The following RAD54L2 variants were observed in gnomAD, a reference collection of about 807,000 sequenced individuals.
RAD54L2 encodes the protein RAD54 like 2, also known as helicase ARIP4.
RAD54L2 carries 27 observed loss-of-function variants against 138.4 expected under a neutral mutation model. The ratio of observed to expected loss-of-function variants is 0.20; its 90% CI spans 0.14 to 0.27. The LOEUF is 0.27. RAD54L2 is among the 10% of genes least tolerant of loss of function. The pLI, the probability that RAD54L2 is intolerant of heterozygous loss-of-function variation, is 1.00. For missense variants in RAD54L2, 1,396 were observed against 1,890.2 expected (o/e 0.74, Z 4.85); for synonymous variants, 644 against 723.2 (o/e 0.89, Z 1.76).
chr3:51,540,226 C>G (rs969172670), intron 1 of RAD54L2, among the ~76,000 whole-genome samples: 3 of 152,218 alleles, frequency 2.0e-5, no homozygotes, highest in African/African-American at 7.2e-5. Flanking sequence ...TAAGAAAACT[C>G]TAACATTTAT....
rs1701905621 is a variant in RAD54L2, at chr3:51,666,173, G to GTTTT, written c.*2753_*2754insTTTT. On this transcript the variant is annotated 3_prime_UTR_variant, in exon 23 of 23. Coordinates refer to ENST00000684192, the MANE Select transcript of RAD54L2 (RefSeq NM_015106.4). ...GAGTGCTACCAGGTCCATGGTTTTT[G>GTTTT]CTTTTTTTTTTTTTTTTTTTTTTTT... The GTTTT allele has an allele frequency of 9.9e-5, 2 of 20,224 alleles. No homozygotes were observed. The highest frequency in any genetic ancestry group is 1.6e-3 in the East Asian group (1 of 628). 1.3% of individuals were successfully genotyped at this position (20,224 alleles called of 1,614,324 possible).
At chr3:51,659,105 T>G (rs1024170479) in intron 21 of RAD54L2, among the ~76,000 whole-genome samples, 3 of 140,540 alleles carry the variant, frequency 2.1e-5, no homozygotes, top group African/African-American at 8.0e-5. Flanking sequence ...CTTGTTTTTT[T>G]TTTTTTTTTT....
At chr3:51,607,424 G>T (rs1224436679) in intron 3 of RAD54L2, among the ~76,000 whole-genome samples, 5 of 152,154 alleles carry the variant, frequency 3.3e-5, no homozygotes, top group Non-Finnish European at 2.9e-5. Context: ...GGGGTTGGGG[G>T]TAAGGTTATA....
intron 2 of RAD54L2, among the ~76,000 whole-genome samples, chr3:51,573,626 C>G (rs191695062): frequency 1.3e-4 from 20 of 152,024 alleles, no homozygotes; most frequent in African/African-American, 4.6e-4. Flanking sequence ...TGCGCCACCA[C>G]GCCTGACTAA....
At chr3:51,628,114 C>T (rs553510187) in intron 4 of RAD54L2, among the ~76,000 whole-genome samples, 1 of 152,242 alleles carries the variant, frequency 6.6e-6, no homozygotes, top group Admixed American at 6.5e-5. Flanking sequence ...GTTGAGTTCT[C>T]ATCTTCTTAG....
intron 2 of RAD54L2, among the ~76,000 whole-genome samples, chr3:51,578,391 A>G (rs1055798456): frequency 1.3e-5 from 2 of 152,286 alleles, no homozygotes; most frequent in Admixed American, 6.5e-5. Flanking sequence ...TTCAATTCCT[A>G]TGCATTTTTG....
intron 2 of RAD54L2, among the ~76,000 whole-genome samples, chr3:51,568,591 A>T (rs1044891515): frequency 1.3e-5 from 2 of 152,164 alleles, no homozygotes; most frequent in Non-Finnish European, 2.9e-5. Context: ...ATAGGTTGAC[A>T]CAGTGAGCAC....
intron 3 of RAD54L2, among the ~76,000 whole-genome samples, chr3:51,599,348 G>C (rs540905647): frequency 2.1e-4 from 32 of 152,126 alleles, no homozygotes; most frequent in Non-Finnish European, 4.1e-4. Flanking sequence ...AATCCTTAAT[G>C]ACAGAAAGCA....
intron 3 of RAD54L2, among the ~76,000 whole-genome samples, chr3:51,603,842 A>G (rs1189317634): frequency 3.3e-5 from 5 of 152,130 alleles, no homozygotes; most frequent in Non-Finnish European, 7.4e-5. Flanking sequence ...TGGGCTAGCC[A>G]GGTGGTTGTC....
At chr3:51,659,925 T>G in intron 21 of RAD54L2, 101 bp from the exon 22 acceptor site, 2 of 752,102 alleles carry the variant, frequency 2.7e-6, no homozygotes, top group Admixed American at 4.6e-5. Context: ...TATACCTAAT[T>G]GTATAGCTAT....
At chr3:51,540,684 T>C (rs920254494) in intron 1 of RAD54L2, among the ~76,000 whole-genome samples, 2 of 152,278 alleles carry the variant, frequency 1.3e-5, no homozygotes, top group Non-Finnish European at 2.9e-5. Flanking sequence ...TTTGTAGTTG[T>C]ACTGATAGTT....
chr3:51,631,005 T>C (rs1395463593), intron 7 of RAD54L2, 74 bp downstream of exon 7: 3 of 1,422,420 alleles, frequency 2.1e-6, no homozygotes, highest in East Asian at 2.3e-5. Context: ...CTGGTGGTTA[T>C]TAGCGTCACA....
intron 2 of RAD54L2, among the ~76,000 whole-genome samples, chr3:51,554,860 T>A (rs1325759982): frequency 2.6e-5 from 4 of 152,154 alleles, no homozygotes; most frequent in Admixed American, 2.6e-4. Context: ...TCTTTTTTTT[T>A]GAGACAAGGT....
At chr3:51,650,720 G>C (rs1360086695) in intron 19 of RAD54L2, among the ~76,000 whole-genome samples, 9 of 152,158 alleles carry the variant, frequency 5.9e-5, no homozygotes, top group Non-Finnish European at 2.9e-5. Context: ...CAGAAATAAA[G>C]ATGTTCTTTG....
At position 51,654,632 on chromosome 3, in the gene RAD54L2, CT is replaced by C. The variant is rs957382330; in HGVS notation, c.3027-1331del. ...TCTTTTCCTCCACCCATTCCTCCCT[CT>C]TTTTTTTCCCCCTCTTTTTTGGGCT... On this transcript the variant is annotated intron_variant, in intron 19 of 22. Transcript: ENST00000684192. 1.1e-4 allele frequency among the ~76,000 whole-genome samples: 16 copies of C among 152,226 alleles called. 1 individual carries two copies. Among genetic ancestry groups the C allele is most frequent in the African/African-American group, 2.9e-4 (12 of 41,526 alleles).
intron 14 of RAD54L2, 70 bp downstream of exon 14, chr3:51,640,069 G>A (rs1484889040): frequency 1.7e-6 from 2 of 1,183,634 alleles, no homozygotes; most frequent in East Asian, 5.1e-5. Flanking sequence ...CACAGAGCAA[G>A]ACCAAGACCA....
chr3:51,628,203 C>T (rs1450988551), intron 4 of RAD54L2, among the ~76,000 whole-genome samples: 2 of 152,066 alleles, frequency 1.3e-5, no homozygotes, highest in Non-Finnish European at 2.9e-5. Context: ...ACTTCTTTAA[C>T]TATCCAAATC....
At chr3:51,655,175 G>T (rs1701564858) in intron 19 of RAD54L2, among the ~76,000 whole-genome samples, 1 of 151,980 alleles carries the variant, frequency 6.6e-6, no homozygotes, top group Admixed American at 6.6e-5. Flanking sequence ...CCAATCTTCA[G>T]TCAGATGAGG....
chr3:51,647,542 G>A (rs1046740991), intron 19 of RAD54L2, among the ~76,000 whole-genome samples: 1 of 152,064 alleles, frequency 6.6e-6, no homozygotes, highest in African/African-American at 2.4e-5. Flanking sequence ...GGTGCTGTGT[G>A]CCTGTAATCC....
Sources: gnomAD v4.1 joint callset for allele counts (sites outside exome capture counted in the v4.1 genomes callset) on GRCh38, gnomAD v4.1.1 for gene constraint, MANE v1.5 for transcripts, NCBI Gene and HGNC (gene_info 2026-07-23, HGNC 2026-07-21) for gene names.